The following ZZEF1 variants were observed in gnomAD, a reference collection of about 807,000 sequenced individuals.
The protein encoded by ZZEF1 is zinc finger ZZ-type and EF-hand domain-containing protein 1.
A neutral mutation model predicts 342.8 loss-of-function variants in ZZEF1; 157 were observed. That is an observed-to-expected ratio of 0.46 (90% CI 0.40 to 0.52). ZZEF1 has a LOEUF of 0.52. Ranked by LOEUF, ZZEF1 falls within the 20% of genes least tolerant of loss-of-function variation. ZZEF1 has a pLI of 0.00. For missense variants in ZZEF1, 3,480 were observed against 3,725.6 expected (o/e 0.93, Z 1.72); for synonymous variants, 1,505 against 1,429.1 (o/e 1.05, Z -1.20).
Position 4,072,718 on chromosome 17 carries a change from C to G in ZZEF1, c.3724G>C (p.Ala1242Pro). The stretch of plus-strand genomic sequence containing the variant: ...CACAGTGGGGAGCTTAGGACTAATG[C>G]CATTTTTGCCTGAGGTACTACCATG... ...SNMVVPQAKM[A>P]LVLSSPLWKP... The change falls in exon 25 of 55, where the codon GCA becomes CCA. Residue 1242 changes from alanine (A) to proline (P), a missense_variant. Physicochemically the swap from Ala to Pro is conservative, Grantham distance 27 (BLOSUM62 -1). Around this residue, in one of 5 missense-constraint regions of ZZEF1, gnomAD observed 1,528 missense variants for 1,624.1 expected, o/e 0.94. Transcript: ENST00000381638. 6.2e-7 allele frequency: 1 copy of G among 1,613,464 alleles called. No homozygotes were observed. The highest frequency in any genetic ancestry group is 8.5e-7 in the Non-Finnish European group (1 of 1,179,654).
chr17:4,117,794 G>A (rs944260074), intron 2 of ZZEF1, among the ~76,000 whole-genome samples: 22 of 152,098 alleles, frequency 1.4e-4, no homozygotes, highest in Admixed American at 5.9e-4. Context: ...GAAGTCTTGC[G>A]TATAGAATAC....
chr17:4,112,034 AT>A (rs2058312940), intron 5 of ZZEF1, among the ~76,000 whole-genome samples: 2 of 1,310 alleles, frequency 1.5e-3, no homozygotes, highest in East Asian at 0.043. Context: ...TCCTGTCTAA[AT>A]ATATATATAT....
chr17:4,054,042 G>A lies in ZZEF1; in HGVS notation c.5434+15C>T. The A allele has an allele frequency of 2.5e-6, 4 of 1,607,888 alleles. No homozygotes were observed. Among genetic ancestry groups the A allele is most frequent in the Non-Finnish European group, 3.4e-6 (4 of 1,176,570 alleles). On this transcript the variant is annotated intron_variant, in intron 34 of 54. Coordinates refer to ENST00000381638, the MANE Select transcript of ZZEF1 (RefSeq NM_015113.4). ...ATTGCCTTTGGATACGGCGTACCCA[G>A]TTCATGAAATTTACCTAGGAAGCAA...
rs1487629952 is a variant in ZZEF1 at position 4,008,507 on chromosome 17, A to G, written c.8805+376T>C. On this transcript the variant is annotated intron_variant, in intron 54 of 54. Transcript: ENST00000381638. The surrounding 1 kb of genome is among the most constrained non-coding windows in gnomAD (Gnocchi z 4.2). ...GCTCCTCAGTCAGTGAAAAGTGTGA[A>G]GCGTCCTGAGACCAAACAGCTGTCA... 2 of 1,019,450 alleles carry G rather than the reference A, an allele frequency of 2.0e-6. No individual in the cohort carries two copies. Among genetic ancestry groups the G allele is most frequent in the East Asian group, 9.3e-5 (1 of 10,736 alleles). 63.2% of individuals were successfully genotyped at this position (1,019,450 alleles called of 1,614,324 possible).
chr17:4,049,405 A>G (rs2056996223), intron 37 of ZZEF1, among the ~76,000 whole-genome samples: 2 of 152,164 alleles, frequency 1.3e-5, no homozygotes, highest in South Asian at 4.1e-4. Context: ...CCAGGTACTC[A>G]GAAGGATGAA....
rs2058892181 is a variant in ZZEF1 at position 4,142,886 on chromosome 17, C to T, written c.10G>A (p.Ala4Thr). 1.5e-6 allele frequency: 2 copies of T among 1,363,716 alleles called. No homozygotes were observed. The highest frequency in any genetic ancestry group is 9.4e-7 in the Non-Finnish European group (1 of 1,067,418). The allele number at this position is 1,363,716 out of a possible 1,614,324, so 84.5% of individuals were successfully genotyped here. A position where few individuals can be genotyped will look rare whatever the true frequency, so the allele number is the denominator to read the frequency against. Residue 4 changes from alanine to threonine, a missense_variant, in exon 1 of 55, where the codon GCT becomes ACT. By Grantham distance (58) the Ala-to-Thr change is moderately conservative. Transcript: ENST00000381638. ...TCGTCTTCACTGCTGTGACTCGGAG[C>T]GTTCCCCATGGGGTCTCCGTCTTGG... is the stretch of plus-strand genomic sequence containing the variant. MGN[A>T]PSHSSEDEAA... is the part of the protein sequence containing the mutation.
intron 3 of ZZEF1, among the ~76,000 whole-genome samples, chr17:4,114,828 T>C (rs904554136): frequency 2.0e-5 from 3 of 152,194 alleles, no homozygotes; most frequent in Non-Finnish European, 4.4e-5. Flanking sequence ...AATGGTAAAT[T>C]ACGGTTTGAA....
At chr17:4,100,369 C>T (rs2058106864) in intron 9 of ZZEF1, among the ~76,000 whole-genome samples, 1 of 152,176 alleles carries the variant, frequency 6.6e-6, no homozygotes, top group African/African-American at 2.4e-5. Flanking sequence ...CACCCATTCA[C>T]ATCCCACCCT....
intron 24 of ZZEF1, among the ~76,000 whole-genome samples, chr17:4,073,745 T>C (rs2057554485): frequency 6.6e-6 from 1 of 152,170 alleles, no homozygotes; most frequent in African/African-American, 2.4e-5. Flanking sequence ...CAGCCCTGAA[T>C]GAATCACTTT....
Position 4,088,774 on chromosome 17 carries a change from G to C in ZZEF1, c.2145C>G (p.Thr715=). The change falls in exon 13 of 55, where the codon ACC becomes ACG. Residue 715 remains threonine (T), a synonymous_variant. Transcript: ENST00000381638. ...PARAEAEQSV[T]CAHCRKDTEE... ...CTGTGTCCTTTCTGCAGTGTGCACA[G>C]GTGACGCTCTGTTCTGCTTCTGCTC... is the stretch of plus-strand genomic sequence containing the variant. The C allele has an allele frequency of 6.2e-7, 1 of 1,614,218 alleles. No homozygotes were observed. The highest frequency in any genetic ancestry group is 8.5e-7 in the Non-Finnish European group (1 of 1,180,044).
chr17:4,126,057 T>C (rs2058568006), intron 1 of ZZEF1, among the ~76,000 whole-genome samples: 1 of 151,820 alleles, frequency 6.6e-6, no homozygotes, highest in South Asian at 2.1e-4. Context: ...AAACCCCGTC[T>C]CTACTAAAAA....
intron 37 of ZZEF1, among the ~76,000 whole-genome samples, chr17:4,048,920 C>A (rs1000242968): frequency 4.0e-5 from 6 of 148,440 alleles, no homozygotes; most frequent in South Asian, 4.3e-4. Flanking sequence ...GGGTTTCACC[C>A]TGTTGGCCAG....
At chr17:4,042,972 G>A (rs1470094664) in intron 38 of ZZEF1, among the ~76,000 whole-genome samples, 1 of 152,170 alleles carries the variant, frequency 6.6e-6, no homozygotes, top group Admixed American at 6.5e-5. Flanking sequence ...CTGAGCCACT[G>A]CTCCCGGCCT....
intron 1 of ZZEF1, among the ~76,000 whole-genome samples, chr17:4,135,632 C>T (rs1378456960): frequency 6.6e-6 from 1 of 152,188 alleles, no homozygotes; most frequent in African/African-American, 2.4e-5. Context: ...AACTGAAAAC[C>T]TGCCTCCCCA....
chr17:4,142,951 C>G lies in ZZEF1; in HGVS notation c.-56G>C, dbSNP rs2058894111. 7.7e-7 allele frequency: 1 copy of G among 1,302,530 alleles called. No individual in the cohort carries two copies. The highest frequency in any genetic ancestry group is 9.7e-7 in the Non-Finnish European group (1 of 1,029,380). 80.7% of individuals were successfully genotyped at this position (1,302,530 alleles called of 1,614,324 possible). A position where few individuals can be genotyped will look rare whatever the true frequency, so the allele number is the denominator to read the frequency against. On this transcript the variant is annotated 5_prime_UTR_variant, in exon 1 of 55. Transcript: ENST00000381638. ...AGCCGCCGCCGCCGCCTCCCCGCCTCGACCTGTCAACCTCCGACAGCAGCT... is the reference window on the plus strand; with the variant it reads ...AGCCGCCGCCGCCGCCTCCCCGCCTGGACCTGTCAACCTCCGACAGCAGCT...
rs1368691569 is a variant in ZZEF1, at chr17:4,034,308, G to C, written c.6307-16C>G. On this transcript the variant is annotated splice_polypyrimidine_tract_variant and intron_variant, in intron 39 of 54. Coordinates refer to ENST00000381638, the MANE Select transcript of ZZEF1 (RefSeq NM_015113.4). ...CCGTGGGGCCCTGCCAAGAGAGGGA[G>C]AGAAATCTGTTCAGTACAAAATCCA... The C allele has an allele frequency of 5.6e-6, 9 of 1,613,370 alleles. No individual in the cohort carries two copies. The highest frequency in any genetic ancestry group is 7.6e-6 in the Non-Finnish European group (9 of 1,179,554).
chr17:4,094,561 GCTAC>G (rs1406725091), intron 11 of ZZEF1, among the ~76,000 whole-genome samples: 1 of 152,088 alleles, frequency 6.6e-6, no homozygotes, highest in African/African-American at 2.4e-5. Flanking sequence ...TTATCCATTG[GCTAC>G]CGAACACCTC....
chr17:4,106,625 A>C (rs555049182), intron 6 of ZZEF1, among the ~76,000 whole-genome samples: 2 of 152,070 alleles, frequency 1.3e-5, no homozygotes, highest in East Asian at 3.9e-4. Context: ...TTTCCACCTT[A>C]ATGTCTGTTT....
intron 1 of ZZEF1, among the ~76,000 whole-genome samples, chr17:4,129,426 C>T (rs929449718): frequency 3.9e-5 from 6 of 152,194 alleles, no homozygotes; most frequent in Non-Finnish European, 7.3e-5. Context: ...GACACATACA[C>T]ACAAATGTTC....
Sources: gnomAD v4.1 joint callset for allele counts (sites outside exome capture counted in the v4.1 genomes callset) on GRCh38, gnomAD v4.1.1 for gene constraint, gnomAD v4.1.1 regional missense constraint, Gnocchi (gnomAD v3.1) non-coding constraint, MANE v1.5 for transcripts, NCBI Gene and HGNC (gene_info 2026-07-23, HGNC 2026-07-21) for gene names.